Variants in H1-1 observed in about 807,000 individuals in gnomAD.
H1-1 encodes the protein H1.1 linker histone, cluster member, also known as histone H1.1.
A neutral mutation model predicts 0.8 loss-of-function variants in H1-1; 2 were observed. The ratio of observed to expected loss-of-function variants is 2.64; its 90% CI spans 1.08 to 8.30. The LOEUF (loss-of-function observed/expected upper bound fraction) is 8.30. H1-1 is among the 30% of genes most tolerant of loss of function. The pLI, the probability that H1-1 is intolerant of heterozygous loss-of-function variation, is 0.04. For missense variants in H1-1, 516 were observed against 262.6 expected, an observed-to-expected ratio of 1.97 and a Z score of -6.67; for synonymous variants, 211 against 108.2, an observed-to-expected ratio of 1.95 and a Z score of -5.89.
In H1-1 at chr6:26,017,519, C is replaced by T. The variant is rs778104178; in HGVS notation, c.214G>A (p.Ala72Thr). Residue 72 changes from alanine to threonine, a missense_variant, in exon 1 of 1, where the codon GCA (alanine) becomes ACA (threonine). Physicochemically the swap from Ala to Thr is moderately conservative, Grantham distance 58 (BLOSUM62 0). Transcript: ENST00000244573. Reference sequence around the variant, plus strand: ...TTGTTCTTCTCCACGTCGTAGCCTGCGGCCGCCAGCGCCTTTTTAAGAGCT... The same window carrying T: ...TTGTTCTTCTCCACGTCGTAGCCTGTGGCCGCCAGCGCCTTTTTAAGAGCT... ...LAALKKALAA[A>T]GYDVEKNNSR... The T allele has an allele frequency of 6.2e-7, 1 of 1,614,126 alleles. No homozygotes were observed. The highest frequency in any genetic ancestry group is 2.2e-5 in the East Asian group (1 of 44,862).
At position 26,017,489 on chromosome 6, in the gene H1-1, G is replaced by T; in HGVS notation, c.244C>A (p.Arg82Ser). 1 of 1,614,030 alleles carries T rather than the reference G, an allele frequency of 6.2e-7. No homozygotes were observed. The highest frequency in any genetic ancestry group is 8.5e-7 in the Non-Finnish European group (1 of 1,180,026). The part of the protein sequence containing the change: ...AGYDVEKNNS[R>S]IKLGIKSLVS... ...AGGCTCTTAATGCCCAGCTTAATGC[G>T]GCTGTTGTTCTTCTCCACGTCGTAG... is the stretch of plus-strand genomic sequence containing the variant. Residue 82 changes from arginine to serine, a missense_variant, in exon 1 of 1, where the codon CGC (arginine) becomes AGC (serine). By Grantham distance (110) the Arg-to-Ser change is moderately radical (BLOSUM62 -1). Transcript: ENST00000244573.
chr6:26,017,396 T>TA lies in H1-1; in HGVS notation c.336_337insT (p.Lys113Ter), dbSNP rs1452798497. ...GGCTTGGTTTCCACGGAGGACGCCT[T>TA]CTTGTTGAGCTTGAAGGAACCCGAG... is the stretch of plus-strand genomic sequence containing the variant. On this transcript the variant is annotated frameshift_variant, in exon 1 of 1. Transcript: ENST00000244573. LOFTEE classifies it low-confidence loss of function (END_TRUNC). The TA allele has an allele frequency of 6.2e-7, 1 of 1,614,058 alleles. No homozygotes were observed. The highest frequency in any genetic ancestry group is 1.1e-5 in the South Asian group (1 of 91,078).
At position 26,017,567 on chromosome 6, in the gene H1-1, C is replaced by T. The variant is rs373234832; in HGVS notation, c.166G>A (p.Glu56Lys). ...LIVQAASSSK[E>K]RGGVSLAALK... ...GCTGCCAACGACACACCACCACGCT[C>T]CTTAGAGGAGGAAGCAGCCTGCACG... Residue 56 changes from glutamate (E) to lysine (K), a missense_variant, in exon 1 of 1, where the codon GAG becomes AAG. Transcript: ENST00000244573. 6.2e-6 allele frequency: 10 copies of T among 1,614,074 alleles called. No homozygotes were observed. The highest frequency in any genetic ancestry group is 1.3e-5 in the African/African-American group (1 of 74,940).
chr6:26,017,362 G>C lies in H1-1; in HGVS notation c.371C>G (p.Ser124Ter), dbSNP rs1246069666. Residue 124 changes from serine to a stop codon, truncating the protein, a stop_gained, in exon 1 of 1, where the codon TCA becomes TGA. Transcript: ENST00000244573. LOFTEE classifies it low-confidence loss of function (END_TRUNC). ...ASSVETKPGA[S>*]KVATKTKATG... ...TGCCTTAGTTTTTGTAGCCACCTTT[G>C]AGGCGCCGGGCTTGGTTTCCACGGA... 1.9e-6 allele frequency: 3 copies of C among 1,613,852 alleles called. No homozygotes were observed. Among genetic ancestry groups the C allele is most frequent in the Non-Finnish European group, 1.7e-6 (2 of 1,180,010 alleles).
chr6:26,017,160 T>G lies in H1-1; in HGVS notation c.573A>C (p.Lys191Asn). The change falls in exon 1 of 1, where the codon AAA becomes AAC. Residue 191 changes from lysine (K) to asparagine (N), a missense_variant. Physicochemically the swap from Lys to Asn is moderately conservative, Grantham distance 94 (BLOSUM62 0). Transcript: ENST00000244573. ...AKSPAKAKAV[K>N]PKAAKARVTK... Reference sequence around the variant, plus strand: ...TCACCCTAGCCTTGGCCGCCTTGGGTTTTACAGCCTTAGCTTTAGCAGGGC... The same window carrying G: ...TCACCCTAGCCTTGGCCGCCTTGGGGTTTACAGCCTTAGCTTTAGCAGGGC... 5 of 1,613,442 alleles carry G rather than the reference T, an allele frequency of 3.1e-6. No individual in the cohort carries two copies. The East Asian group carries it at 1.1e-4, about 36-fold the overall frequency.
In H1-1 at chr6:26,017,691, A is replaced by G; in HGVS notation, c.42T>C (p.Ala14=). 1 of 1,613,814 alleles carries G rather than the reference A, an allele frequency of 6.2e-7. No individual in the cohort carries two copies. The highest frequency in any genetic ancestry group is 8.5e-7 in the Non-Finnish European group (1 of 1,179,956). The change falls in exon 1 of 1, where the codon GCT becomes GCC. Residue 14 remains alanine (A), a synonymous_variant. Coordinates refer to ENST00000244573, the MANE Select transcript of H1-1 (RefSeq NM_005325.4). ...TVPPAPAASA[A]PEKPLAGKKA... ...TCTTGCCAGCTAAAGGTTTCTCAGG[A>G]GCAGCAGAAGCGGCGGGGGCGGGAG...
rs775523555 is a variant in H1-1, at chr6:26,017,354, C to G, written c.379G>C (p.Ala127Pro). ...GCACCCGTTGCCTTAGTTTTTGTAG[C>G]CACCTTTGAGGCGCCGGGCTTGGTT... ...VETKPGASKV[A>P]TKTKATGASK... The change falls in exon 1 of 1, where the codon GCT becomes CCT. Residue 127 changes from alanine to proline, a missense_variant. Coordinates refer to ENST00000244573, the MANE Select transcript of H1-1 (RefSeq NM_005325.4). 1.2e-6 allele frequency: 2 copies of G among 1,614,060 alleles called. No individual in the cohort carries two copies. Among genetic ancestry groups the G allele is most frequent in the African/African-American group, 1.3e-5 (1 of 74,992 alleles).
In H1-1 at chr6:26,017,278, G is replaced by A. The variant is rs13199868; in HGVS notation, c.455C>T (p.Thr152Ile). Residue 152 changes from threonine to isoleucine, a missense_variant, in exon 1 of 1, where the codon ACT becomes ATT. Physicochemically the swap from Thr to Ile is moderately conservative, Grantham distance 89 (BLOSUM62 -1). Transcript: ENST00000244573. ...ATGASKKSVK[T>I]PKKAKKPAAT... Reference sequence around the variant, plus strand: ...CGCAGGCTTTTTAGCCTTTTTCGGAGTCTTGACGCTCTTTTTGCTAGCCCC... The same window carrying A: ...CGCAGGCTTTTTAGCCTTTTTCGGAATCTTGACGCTCTTTTTGCTAGCCCC... The A allele has an allele frequency of 6.2e-7, 1 of 1,614,002 alleles. No individual in the cohort carries two copies. Among genetic ancestry groups the A allele is most frequent in the Non-Finnish European group, 8.5e-7 (1 of 1,179,974 alleles).
In H1-1 at chr6:26,017,299, G is replaced by T; in HGVS notation, c.434C>A (p.Ala145Asp). The change falls in exon 1 of 1, where the codon GCT becomes GAT. Residue 145 changes from alanine to aspartate, a missense_variant. Physicochemically the swap from Ala to Asp is moderately radical, Grantham distance 126 (BLOSUM62 -2). Coordinates refer to ENST00000244573, the MANE Select transcript of H1-1 (RefSeq NM_005325.4). ...CGGAGTCTTGACGCTCTTTTTGCTA[G>T]CCCCCGTGGCCTTTTTGAGCTTTTT... is the stretch of plus-strand genomic sequence containing the variant. ...ASKKLKKATGASKKSVKTPKK... is the reference protein window; with the variant it reads ...ASKKLKKATGDSKKSVKTPKK... 6.2e-7 allele frequency: 1 copy of T among 1,613,908 alleles called. No individual in the cohort carries two copies. The highest frequency in any genetic ancestry group is 1.3e-5 in the African/African-American group (1 of 74,958).
At position 26,017,564 on chromosome 6, in the gene H1-1, GCTC is replaced by G. The variant is rs1259404373; in HGVS notation, c.166_168del (p.Glu56del). 3.7e-6 allele frequency: 6 copies of G among 1,614,042 alleles called. No homozygotes were observed. The highest frequency in any genetic ancestry group is 1.3e-5 in the African/African-American group (1 of 74,910). ...AGAGCTGCCAACGACACACCACCAC[GCTC>G]CTTAGAGGAGGAAGCAGCCTGCACG... On this transcript the variant is annotated inframe_deletion, in exon 1 of 1. Coordinates refer to ENST00000244573, the MANE Select transcript of H1-1 (RefSeq NM_005325.4).
In H1-1 at chr6:26,017,117, T is replaced by A. The variant is rs751368740; in HGVS notation, c.616A>T (p.Lys206Ter). The change falls in exon 1 of 1, where the codon AAA becomes TAA. Residue 206 changes from lysine (K) to a stop codon, truncating the protein, a stop_gained. Coordinates refer to ENST00000244573, the MANE Select transcript of H1-1 (RefSeq NM_005325.4). LOFTEE classifies it high-confidence loss of function. The stretch of plus-strand genomic sequence containing the variant: ...TTCTTGGGTGCCGCTTTCTTGGGTT[T>A]GGCAGTCTTTGGCTTCGTCACCCTA... The part of the protein sequence containing the change: ...KARVTKPKTA[K>*]PKKAAPKKK 2 of 1,591,374 alleles carry A rather than the reference T, an allele frequency of 1.3e-6. No homozygotes were observed. Among genetic ancestry groups the A allele is most frequent in the Admixed American group, 3.8e-5 (2 of 52,960 alleles).
rs1344743679 is a variant in H1-1 at position 26,017,592 on chromosome 6, G to A, written c.141C>T (p.Ile47=). The A allele has an allele frequency of 6.2e-7, 1 of 1,614,160 alleles. No homozygotes were observed. Among genetic ancestry groups the A allele is most frequent in the Non-Finnish European group, 8.5e-7 (1 of 1,180,040 alleles). Residue 47 remains isoleucine (I), a synonymous_variant, in exon 1 of 1, where the codon ATC becomes ATT. Coordinates refer to ENST00000244573, the MANE Select transcript of H1-1 (RefSeq NM_005325.4). ...KPAGPSVSEL[I]VQAASSSKER... The stretch of plus-strand genomic sequence containing the variant: ...CCTTAGAGGAGGAAGCAGCCTGCAC[G>A]ATCAGCTCTGACACGGAAGGGCCAG...
Position 26,017,276 on chromosome 6 carries a change from G to T in H1-1, c.457C>A (p.Pro153Thr), listed in dbSNP as rs908375862. Residue 153 changes from proline to threonine, a missense_variant, in exon 1 of 1, where the codon CCG (proline) becomes ACG (threonine). By Grantham distance (38) the Pro-to-Thr change is conservative (BLOSUM62 -1). Coordinates refer to ENST00000244573, the MANE Select transcript of H1-1 (RefSeq NM_005325.4). ...TGASKKSVKT[P>T]KKAKKPAATR... is the part of the protein sequence containing the mutation. The stretch of plus-strand genomic sequence containing the variant: ...GCCGCAGGCTTTTTAGCCTTTTTCG[G>T]AGTCTTGACGCTCTTTTTGCTAGCC... 3.7e-6 allele frequency: 6 copies of T among 1,613,902 alleles called. No individual in the cohort carries two copies. Among genetic ancestry groups the T allele is most frequent in the Non-Finnish European group, 5.1e-6 (6 of 1,180,016 alleles).
In H1-1 at chr6:26,017,643, A is replaced by G. The variant is rs1561912914; in HGVS notation, c.90T>C (p.Ala30=). Residue 30 remains alanine (A), a synonymous_variant, in exon 1 of 1, where the codon GCT becomes GCC. Coordinates refer to ENST00000244573, the MANE Select transcript of H1-1 (RefSeq NM_005325.4). The part of the protein sequence containing the change: ...AGKKAKKPAK[A]AAASKKKPAG... ...CGGGTTTTTTCTTGGAGGCTGCTGCAGCCTTAGCAGGTTTCTTTGCCTTCT... is the reference window on the plus strand; with the variant it reads ...CGGGTTTTTTCTTGGAGGCTGCTGCGGCCTTAGCAGGTTTCTTTGCCTTCT... 2.5e-6 allele frequency: 4 copies of G among 1,614,158 alleles called. No homozygotes were observed. Among genetic ancestry groups the G allele is most frequent in the East Asian group, 2.2e-5 (1 of 44,876 alleles).
rs1761142993 is a variant in H1-1, at chr6:26,017,413, G to A, written c.320C>T (p.Ser107Phe). ...VQTKGTGASG[S>F]FKLNKKASSV... The stretch of plus-strand genomic sequence containing the variant: ...GGACGCCTTCTTGTTGAGCTTGAAG[G>A]AACCCGAGGCTCCGGTACCCTTTGT... The change falls in exon 1 of 1, where the codon TCC becomes TTC. Residue 107 changes from serine (S) to phenylalanine (F), a missense_variant. Physicochemically the swap from Ser to Phe is radical, Grantham distance 155 (BLOSUM62 -2). Transcript: ENST00000244573. 4.3e-6 allele frequency: 7 copies of A among 1,614,062 alleles called. No homozygotes were observed. Among genetic ancestry groups the A allele is most frequent in the East Asian group, 2.2e-5 (1 of 44,866 alleles).
Position 26,017,747 on chromosome 6 carries a change from C to CA in H1-1, c.-16dup. The CA allele has an allele frequency of 6.2e-7, 1 of 1,604,838 alleles. No individual in the cohort carries two copies. The highest frequency in any genetic ancestry group is 8.5e-7 in the Non-Finnish European group (1 of 1,175,228). On this transcript the variant is annotated 5_prime_UTR_variant, in exon 1 of 1. Coordinates refer to ENST00000244573, the MANE Select transcript of H1-1 (RefSeq NM_005325.4). ...GTTTCAGACATGGTGACTAACACAG[C>CA]ACACCAAATAAAGTGGTATAAACCT...
rs781686670 is a variant in H1-1 at position 26,017,775 on chromosome 6, C to G, written c.-43G>C. 6.4e-7 allele frequency: 1 copy of G among 1,558,958 alleles called. No homozygotes were observed. The highest frequency in any genetic ancestry group is 8.7e-7 in the Non-Finnish European group (1 of 1,147,736). ...ACCAAATAAAGTGGTATAAACCTGA[C>G]GAAGCAGGATGCGAAAAAAAGGCCC... On this transcript the variant is annotated 5_prime_UTR_variant, in exon 1 of 1. Transcript: ENST00000244573.
rs372922760 is a variant in H1-1 at position 26,017,233 on chromosome 6, T to G, written c.500A>C (p.Lys167Thr). ...KKPAATRKSS[K>T]NPKKPKTVKP... is the part of the protein sequence containing the mutation. Reference sequence around the variant, plus strand: ...TACAGTTTTGGGTTTTTTTGGATTCTTGGAGGATTTCCTTGTTGCCGCAGG... The same window carrying G: ...TACAGTTTTGGGTTTTTTTGGATTCGTGGAGGATTTCCTTGTTGCCGCAGG... The change falls in exon 1 of 1, where the codon AAG becomes ACG. Residue 167 changes from lysine (K) to threonine (T), a missense_variant. Transcript: ENST00000244573. 2 of 1,614,168 alleles carry G rather than the reference T, an allele frequency of 1.2e-6. No homozygotes were observed. The highest frequency in any genetic ancestry group is 2.2e-5 in the South Asian group (2 of 91,084).
At position 26,017,192 on chromosome 6, in the gene H1-1, C is replaced by G. The variant is rs754094080; in HGVS notation, c.541G>C (p.Ala181Pro). 6 of 1,613,874 alleles carry G rather than the reference C, an allele frequency of 3.7e-6. No homozygotes were observed. The Admixed American group carries it at 6.7e-5, about 18-fold the overall frequency. Residue 181 changes from alanine to proline, a missense_variant, in exon 1 of 1, where the codon GCT becomes CCT. Physicochemically the swap from Ala to Pro is conservative, Grantham distance 27 (BLOSUM62 -1). Transcript: ENST00000244573. ...GCCTTAGCTTTAGCAGGGCTTTTAG[C>G]TACTTTCTTGGGCTTTACAGTTTTG... ...KPKTVKPKKVAKSPAKAKAVK... is the reference protein window; with the variant it reads ...KPKTVKPKKVPKSPAKAKAVK...
Sources: gnomAD v4.1 joint callset for allele counts on GRCh38, gnomAD v4.1.1 for gene constraint, MANE v1.5 for transcripts, NCBI Gene and HGNC (gene_info 2026-07-23, HGNC 2026-07-21) for gene names.